ZNF559: variants seen among roughly 807,000 people sequenced by gnomAD.
The protein encoded by ZNF559 is putative protein product of Nbla00121.
Under a neutral mutation model 14.2 loss-of-function variants are expected in ZNF559, and 17 were observed. The observed-to-expected ratio is 1.20, with a 90% CI of 0.82 to 1.80. The LOEUF is 1.80. ZNF559 is among the 40% of genes most tolerant of loss of function. The pLI is 0.00. For missense variants in ZNF559, 740 were observed against 629.7 expected (o/e 1.18, Z -1.88); for synonymous variants, 244 against 212.4 (o/e 1.15, Z -1.29).
intron 2 of ZNF559, among the ~76,000 whole-genome samples, chr19:9,336,064 AC>A (rs1349843277): frequency 6.6e-6 from 1 of 152,102 alleles, no homozygotes; most frequent in African/African-American, 2.4e-5. Context: ...TCTTTAGTGA[AC>A]CATTATTATT....
Position 9,324,842 on chromosome 19 carries a change from G to A in ZNF559, c.-120+62G>A. The A allele has an allele frequency of 1.4e-5, 20 of 1,405,854 alleles. No individual in the cohort carries two copies. In the South Asian group the frequency reaches 2.2e-4, roughly 16 times the overall value. 87.1% of individuals were successfully genotyped at this position (1,405,854 alleles called of 1,614,324 possible). On this transcript the variant is annotated intron_variant, in intron 2 of 6. Transcript: ENST00000603380. The stretch of plus-strand genomic sequence containing the variant: ...CGGGTCTTGAAGTTTAAGTTGTGTC[G>A]AGGTGGAAAGAAACCTTTTCAGGTG...
chr19:9,336,581 C>T (rs755826554), intron 2 of ZNF559, among the ~76,000 whole-genome samples: 3 of 150,802 alleles, frequency 2.0e-5, no homozygotes, highest in Admixed American at 1.3e-4. Flanking sequence ...GGCGACAGAG[C>T]GAGACTCCAT....
intron 2 of ZNF559, among the ~76,000 whole-genome samples, chr19:9,326,992 G>T (rs2066643210): frequency 6.6e-6 from 1 of 152,104 alleles, no homozygotes; most frequent in African/African-American, 2.4e-5. Context: ...GGGGCTAGTG[G>T]CTGTTGAGTT....
intron 2 of ZNF559, among the ~76,000 whole-genome samples, chr19:9,331,376 C>T (rs1018150446): frequency 1.3e-5 from 2 of 152,184 alleles, no homozygotes; most frequent in Non-Finnish European, 2.9e-5. Flanking sequence ...TGAGCCACTA[C>T]GCCTAGCTTC....
At chr19:9,341,418 GT>G in intron 6 of ZNF559, 1 of 759,868 alleles carries the variant, frequency 1.3e-6, no homozygotes, top group Non-Finnish European at 2.3e-6. Context: ...TATCTCAGAT[GT>G]TTTTGATAAA....
chr19:9,343,397 G>A lies in ZNF559; in HGVS notation c.*329G>A, dbSNP rs1023448462. On this transcript the variant is annotated 3_prime_UTR_variant, in exon 7 of 7. Coordinates refer to ENST00000603380, the MANE Select transcript of ZNF559 (RefSeq NM_032497.3). ...GAAATGCTATGAATGTGAGGAAGGT[G>A]GAAAAGCTTTCATTATTTTCCTCGG... is the stretch of plus-strand genomic sequence containing the variant. The A allele has an allele frequency of 2.7e-6, 3 of 1,099,826 alleles. No homozygotes were observed. The highest frequency in any genetic ancestry group is 3.2e-5 in the African/African-American group (2 of 61,632). 68.1% of individuals were successfully genotyped at this position (1,099,826 alleles called of 1,614,324 possible). A position where few individuals can be genotyped will look rare whatever the true frequency, so the allele number is the denominator to read the frequency against.
chr19:9,325,487 G>A (rs2066534580), intron 2 of ZNF559, among the ~76,000 whole-genome samples: 1 of 151,164 alleles, frequency 6.6e-6, no homozygotes, highest in Non-Finnish European at 1.5e-5. Flanking sequence ...AACATCTGTA[G>A]CTCGAGTAAA....
At chr19:9,341,485 A>G (rs1437879503) in intron 6 of ZNF559, 4 of 936,068 alleles carry the variant, frequency 4.3e-6, no homozygotes, top group Non-Finnish European at 6.6e-6. Context: ...CTCTGAAAGT[A>G]AAGAATATAA....
upstream of ZNF559, chr19:9,323,958 G>A: frequency 1.8e-6 from 1 of 567,896 alleles, no homozygotes; most frequent in East Asian, 2.8e-5. Flanking sequence ...TTGCTTTGCT[G>A]GGCGTTTTGT....
chr19:9,342,473 T>G lies in ZNF559; in HGVS notation c.1022T>G (p.Ile341Arg). The change falls in exon 7 of 7, where the codon ATA (isoleucine) becomes AGA (arginine). Residue 341 changes from isoleucine (I) to arginine (R), a missense_variant. Physicochemically the swap from Ile to Arg is moderately conservative, Grantham distance 97. Transcript: ENST00000603380. Reference protein sequence around the residue: ...GKAFTDSSGLIKHRRTHTGEK... With the variant: ...GKAFTDSSGLRKHRRTHTGEK... ...GCCTTCACTGATTCATCAGGTCTTATAAAACACAGGCGAACTCACACTGGA... is the reference window on the plus strand; with the variant it reads ...GCCTTCACTGATTCATCAGGTCTTAGAAAACACAGGCGAACTCACACTGGA... The G allele has an allele frequency of 6.2e-7, 1 of 1,614,054 alleles. No individual in the cohort carries two copies. The highest frequency in any genetic ancestry group is 8.5e-7 in the Non-Finnish European group (1 of 1,180,024).
chr19:9,324,312 G>A (rs528124364), intron 1 of ZNF559, 84 bp downstream of exon 1: 2 of 1,535,386 alleles, frequency 1.3e-6, no homozygotes, highest in African/African-American at 1.4e-5. Flanking sequence ...GAGGTGCCCA[G>A]TGAAATGGAG....
At chr19:9,330,706 C>A (rs751106580) in intron 2 of ZNF559, among the ~76,000 whole-genome samples, 6 of 152,050 alleles carry the variant, frequency 3.9e-5, no homozygotes, top group Non-Finnish European at 5.9e-5. Flanking sequence ...TATTATTTTC[C>A]TGACCTATAG....
chr19:9,335,649 G>A lies in ZNF559; in HGVS notation c.-119-2147G>A, dbSNP rs573941544. On this transcript the variant is annotated intron_variant, in intron 2 of 6. Transcript: ENST00000603380. ...TGCAACCTTTGCCTCCCAGGCTCAA[G>A]CCACCTTCCCACGTAGCTGGCACTA... 1.8e-4 allele frequency among the ~76,000 whole-genome samples: 28 copies of A among 152,250 alleles called. No individual in the cohort carries two copies. The East Asian group carries it at 2.3e-3, about 13-fold the overall frequency.
chr19:9,334,480 CAAAA>C (rs1456342584), intron 2 of ZNF559, among the ~76,000 whole-genome samples: 1 of 151,928 alleles, frequency 6.6e-6, no homozygotes, highest in African/African-American at 2.4e-5. Flanking sequence ...AATGTTGAAT[CAAAA>C]AAGCTAGACA....
intron 5 of ZNF559, among the ~76,000 whole-genome samples, chr19:9,340,402 T>G (rs1329067175): frequency 6.6e-6 from 1 of 152,128 alleles, no homozygotes; most frequent in African/African-American, 2.4e-5. Flanking sequence ...AACTTTCTTT[T>G]GCTCTGACAT....
At position 9,345,861 on chromosome 19, in the gene ZNF559, A is replaced by G. The variant is rs557538547; in HGVS notation, c.*2793A>G. On this transcript the variant is annotated 3_prime_UTR_variant, in exon 7 of 7. Coordinates refer to ENST00000603380, the MANE Select transcript of ZNF559 (RefSeq NM_032497.3). ...AATATATAATAAAACATTTCATTTTAACAGAGGTAACATAAATACACTTCC... is the reference window on the plus strand; with the variant it reads ...AATATATAATAAAACATTTCATTTTGACAGAGGTAACATAAATACACTTCC... 3 of 151,772 alleles carry G rather than the reference A, an allele frequency of 2.0e-5. No individual in the cohort carries two copies. The highest frequency in any genetic ancestry group is 4.4e-5 in the Non-Finnish European group (3 of 67,936). 9.4% of individuals were successfully genotyped at this position (151,772 alleles called of 1,614,324 possible).
In ZNF559 at chr19:9,343,728, G is replaced by A. The variant is rs2067671722; in HGVS notation, c.*660G>A. 2.0e-6 allele frequency: 2 copies of A among 985,942 alleles called. No homozygotes were observed. The highest frequency in any genetic ancestry group is 2.4e-6 in the Non-Finnish European group (2 of 830,370). The allele number at this position is 985,942 out of a possible 1,614,324, so 61.1% of individuals were successfully genotyped here. ...GACTGTATGGAAGGTCAAAAAGGCT[G>A]TATTAATTTACATGCAAAAAGTCAC... is the stretch of plus-strand genomic sequence containing the variant. On this transcript the variant is annotated 3_prime_UTR_variant, in exon 7 of 7. Transcript: ENST00000603380.
rs561195807 is a variant in ZNF559, at chr19:9,342,564, T to A, written c.1113T>A (p.His371Gln). The A allele has an allele frequency of 1.2e-6, 2 of 1,614,014 alleles. No individual in the cohort carries two copies. The highest frequency in any genetic ancestry group is 2.7e-5 in the African/African-American group (2 of 75,012). The change falls in exon 7 of 7, where the codon CAT becomes CAA. Residue 371 changes from histidine to glutamine, a missense_variant. Transcript: ENST00000603380. Reference sequence around the variant, plus strand: ...CTAACTCTTCACATCTTACTGTACATATGAGAACTCACACTGGTGAGAAGC... The same window carrying A: ...CTAACTCTTCACATCTTACTGTACAAATGAGAACTCACACTGGTGAGAAGC... Reference protein sequence around the residue: ...AFANSSHLTVHMRTHTGEKPY... With the variant: ...AFANSSHLTVQMRTHTGEKPY...
intron 2 of ZNF559, chr19:9,333,017 A>G (rs927727552): frequency 6.6e-6 from 1 of 152,204 alleles, no homozygotes; most frequent in African/African-American, 2.4e-5. Flanking sequence ...TTGCCCAGGC[A>G]GGAGTACAGT....
Sources: allele counts gnomAD v4.1 joint callset (sites outside exome capture counted in the v4.1 genomes callset), GRCh38; gene constraint gnomAD v4.1.1; transcripts MANE v1.5; gene names NCBI Gene and HGNC (gene_info 2026-07-23, HGNC 2026-07-21).